The following GRIN3A variants were observed in gnomAD, a reference collection of about 807,000 sequenced individuals.
The protein encoded by GRIN3A is glutamate ionotropic receptor NMDA type subunit 3A, also known as glutamate receptor ionotropic, NMDA 3A.
Under a neutral mutation model 92.4 loss-of-function variants are expected in GRIN3A, and 47 were observed. The observed-to-expected ratio is 0.51, with a 90% CI of 0.40 to 0.65. The LOEUF is 0.65. GRIN3A is among the 30% of genes least tolerant of loss of function. GRIN3A has a pLI of 0.00. For synonymous variants in GRIN3A, 527 were observed against 540.6 expected (o/e 0.97, Z 0.35); for missense variants, 1,324 against 1,393.1 (o/e 0.95, Z 0.79).
At chr9:101,618,757 T>C (rs1021536980) in intron 5 of GRIN3A, among the ~76,000 whole-genome samples, 1 of 152,078 alleles carries the variant, frequency 6.6e-6, no homozygotes, top group African/African-American at 2.4e-5. Flanking sequence ...AAATAAAACC[T>C]TGAGGGTTTT....
At chr9:101,673,581 T>A (rs1322291279) in intron 2 of GRIN3A, among the ~76,000 whole-genome samples, 2 of 152,174 alleles carry the variant, frequency 1.3e-5, no homozygotes, top group Non-Finnish European at 2.9e-5. Flanking sequence ...CCTGTACTAA[T>A]GGAATGACAA....
intron 1 of GRIN3A, among the ~76,000 whole-genome samples, chr9:101,694,765 A>T (rs1441884147): frequency 6.6e-6 from 1 of 152,196 alleles, no homozygotes; most frequent in African/African-American, 2.4e-5. Context: ...ATTTAGTCAT[A>T]TGGTGACTTA....
At chr9:101,734,808 G>GT (rs1201819068) in intron 1 of GRIN3A, among the ~76,000 whole-genome samples, 1 of 151,844 alleles carries the variant, frequency 6.6e-6, no homozygotes, top group African/African-American at 2.4e-5. Context: ...TATTTTACTT[G>GT]GTTGTGTGAA....
intron 6 of GRIN3A, among the ~76,000 whole-genome samples, chr9:101,601,371 G>A (rs1259153020): frequency 2.0e-5 from 3 of 152,200 alleles, no homozygotes; most frequent in Non-Finnish European, 4.4e-5. Flanking sequence ...CTGGCATTAT[G>A]GGTAGATTGA....
chr9:101,617,099 C>T (rs1184560376), intron 5 of GRIN3A, among the ~76,000 whole-genome samples: 2 of 147,932 alleles, frequency 1.4e-5, no homozygotes, highest in African/African-American at 2.5e-5. Flanking sequence ...ACTCGGGAGG[C>T]TGAGGCAGGA....
intron 3 of GRIN3A, among the ~76,000 whole-genome samples, chr9:101,656,961 A>G (rs1047392976): frequency 9.9e-5 from 15 of 151,850 alleles, no homozygotes; most frequent in Admixed American, 2.6e-4. Context: ...AATTCATCAA[A>G]CCGCCCAGTG....
At chr9:101,613,955 C>A (rs912653393) in intron 5 of GRIN3A, among the ~76,000 whole-genome samples, 2 of 152,092 alleles carry the variant, frequency 1.3e-5, no homozygotes, top group African/African-American at 4.8e-5. Context: ...TAATGCATGA[C>A]CCTCTCTTAC....
At chr9:101,646,592 T>G (rs1828941555) in intron 3 of GRIN3A, among the ~76,000 whole-genome samples, 1 of 147,750 alleles carries the variant, frequency 6.8e-6, no homozygotes, top group Non-Finnish European at 1.5e-5. Flanking sequence ...GTATTGAATT[T>G]GTAGATCACT....
At chr9:101,602,008 G>T (rs1828217679) in intron 6 of GRIN3A, among the ~76,000 whole-genome samples, 1 of 152,150 alleles carries the variant, frequency 6.6e-6, no homozygotes, top group Admixed American at 6.5e-5. Flanking sequence ...AAGGACAGAG[G>T]GAAGGAGCTC....
intron 1 of GRIN3A, among the ~76,000 whole-genome samples, chr9:101,690,952 C>T (rs1420318608): frequency 2.0e-5 from 3 of 151,882 alleles, no homozygotes; most frequent in Non-Finnish European, 4.4e-5. Flanking sequence ...GCTAAAAGTA[C>T]AATATCAAAT....
intron 2 of GRIN3A, among the ~76,000 whole-genome samples, chr9:101,679,075 C>T (rs1274893011): frequency 6.6e-6 from 1 of 152,172 alleles, no homozygotes; most frequent in East Asian, 1.9e-4. Flanking sequence ...GTTGATGTCC[C>T]TTCAAGTATT....
intron 6 of GRIN3A, among the ~76,000 whole-genome samples, chr9:101,607,400 C>T: frequency 6.6e-6 from 1 of 152,108 alleles, no homozygotes; most frequent in East Asian, 1.9e-4. Context: ...TAGCAACAGA[C>T]TTACACAGGA....
In GRIN3A at chr9:101,667,912, G is replaced by A. The variant is rs538622731; in HGVS notation, c.2352+2148C>T. ...GAACCTACAAAAGAGATATTTTACC[G>A]TAGAAACAACGCTAGTACACACATG... is the stretch of plus-strand genomic sequence containing the variant. On this transcript the variant is annotated intron_variant, in intron 3 of 8. Coordinates refer to ENST00000361820, the MANE Select transcript of GRIN3A (RefSeq NM_133445.3). Among the ~76,000 whole-genome samples, 15 of 152,116 alleles carry A rather than the reference G, an allele frequency of 9.9e-5. No individual in the cohort carries two copies. The East Asian group carries it at 1.6e-3, about 16-fold the overall frequency.
At chr9:101,685,606 C>G (rs1829523958) in intron 2 of GRIN3A, among the ~76,000 whole-genome samples, 1 of 151,894 alleles carries the variant, frequency 6.6e-6, no homozygotes, top group Admixed American at 6.6e-5. Flanking sequence ...AAAACCATTT[C>G]CATATGATGT....
chr9:101,676,514 C>T (rs994806284), intron 2 of GRIN3A, among the ~76,000 whole-genome samples: 13 of 151,834 alleles, frequency 8.6e-5, no homozygotes, highest in Non-Finnish European at 1.5e-4. Flanking sequence ...ATATTTCCCC[C>T]GAGGAATGAG....
chr9:101,589,785 T>C (rs62575851), intron 6 of GRIN3A, among the ~76,000 whole-genome samples: 12,302 of 152,230 alleles, frequency 0.081, 586 homozygotes, highest in Middle Eastern at 0.12. Context: ...TTAGAACATA[T>C]TGATTATGGG....
chr9:101,729,738 C>T (rs1421579354), intron 1 of GRIN3A, among the ~76,000 whole-genome samples: 1 of 152,172 alleles, frequency 6.6e-6, no homozygotes, highest in African/African-American at 2.4e-5. Flanking sequence ...AATAAGCTCA[C>T]TCCTGTTTCA....
chr9:101,606,115 C>T (rs9969726), intron 6 of GRIN3A, among the ~76,000 whole-genome samples: 100,830 of 152,102 alleles, frequency 0.66, 33,667 homozygotes, highest in African/African-American at 0.72. Context: ...TCTCTCTCCC[C>T]GCAGGCTGGA....
chr9:101,585,756 A>T (rs1588236687), intron 6 of GRIN3A, among the ~76,000 whole-genome samples: 1 of 152,130 alleles, frequency 6.6e-6, no homozygotes, highest in South Asian at 2.1e-4. Context: ...TAGATTATTG[A>T]GACAGCCTCC....
Sources: allele counts gnomAD v4.1 joint callset (sites outside exome capture counted in the v4.1 genomes callset), GRCh38; gene constraint gnomAD v4.1.1; transcripts MANE v1.5; gene names NCBI Gene and HGNC (gene_info 2026-07-23, HGNC 2026-07-21).